SLC25A13: variants seen among roughly 807,000 people sequenced by gnomAD.
SLC25A13 encodes the protein solute carrier family 25 member 13.
A neutral mutation model predicts 85.5 loss-of-function variants in SLC25A13; 70 were observed. That is an observed-to-expected ratio of 0.82 (90% CI 0.68 to 1.00). SLC25A13 has a LOEUF of 1.00. Ranked by LOEUF, SLC25A13 falls within the 50% of genes least tolerant of loss-of-function variation. The pLI is 0.00. For synonymous variants in SLC25A13, 259 were observed against 288.7 expected, an observed-to-expected ratio of 0.90 and a Z score of 1.04; for missense variants, 765 against 819.8, an observed-to-expected ratio of 0.93 and a Z score of 0.82.
chr7:96,126,419 C>G (rs1048257849), intron 15 of SLC25A13, among the ~76,000 whole-genome samples: 1 of 152,184 alleles, frequency 6.6e-6, no homozygotes, highest in Non-Finnish European at 1.5e-5. Flanking sequence ...GGGAAGTGGT[C>G]TCTTTCTTTA....
chr7:96,282,216 C>T (rs899129172), intron 2 of SLC25A13, among the ~76,000 whole-genome samples: 1 of 152,100 alleles, frequency 6.6e-6, no homozygotes, highest in African/African-American at 2.4e-5. Context: ...GAAATACCAC[C>T]ATACTCAGTG....
Position 96,121,048 on chromosome 7 carries a change from T to A in SLC25A13, c.*143A>T, listed in dbSNP as rs1326905079. 6 of 893,422 alleles carry A rather than the reference T, an allele frequency of 6.7e-6. No individual in the cohort carries two copies. The highest frequency in any genetic ancestry group is 1.1e-5 in the Non-Finnish European group (6 of 552,940). The allele number at this position is 893,422 out of a possible 1,614,324, so 55.3% of individuals were successfully genotyped here. A position where few individuals can be genotyped will look rare whatever the true frequency, so the allele number is the denominator to read the frequency against. On this transcript the variant is annotated 3_prime_UTR_variant, in exon 18 of 18. Transcript: ENST00000265631. ...GTTAAGAAAACACCCAGAAAATGAA[T>A]GATTTCACATGATAAAAAAGCCTGG...
At chr7:96,130,050 A>C (rs1471996960) in intron 15 of SLC25A13, among the ~76,000 whole-genome samples, 4 of 152,224 alleles carry the variant, frequency 2.6e-5, no homozygotes, top group Non-Finnish European at 5.9e-5. Flanking sequence ...AATATTTTAT[A>C]ATGAGTAATA....
At chr7:96,204,374 T>TA (rs1795378978) in intron 5 of SLC25A13, among the ~76,000 whole-genome samples, 1 of 151,974 alleles carries the variant, frequency 6.6e-6, no homozygotes, top group Admixed American at 6.6e-5. Flanking sequence ...AGTCACCCAA[T>TA]AAAAAAATTG....
chr7:96,219,022 C>G (rs1431145534), intron 4 of SLC25A13, among the ~76,000 whole-genome samples: 1 of 152,138 alleles, frequency 6.6e-6, no homozygotes, highest in Non-Finnish European at 1.5e-5. Context: ...TGGATGCAGA[C>G]CTATCTCTAC....
chr7:96,261,725 G>A (rs1167939635), intron 3 of SLC25A13, among the ~76,000 whole-genome samples: 2 of 152,152 alleles, frequency 1.3e-5, no homozygotes, highest in African/African-American at 4.8e-5. Flanking sequence ...TCCATTTTAT[G>A]CTTCTAGAAC....
intron 13 of SLC25A13, among the ~76,000 whole-genome samples, chr7:96,155,274 C>A (rs1793216728): frequency 6.6e-6 from 1 of 152,106 alleles, no homozygotes. Flanking sequence ...TCTCTCTTAC[C>A]AGTTGTGTAA....
intron 5 of SLC25A13, among the ~76,000 whole-genome samples, chr7:96,200,025 C>T (rs940790162): frequency 6.6e-6 from 1 of 151,902 alleles, no homozygotes; most frequent in East Asian, 1.9e-4. Context: ...ACCCAAAAAA[C>T]CCAGTCCCTC....
intron 1 of SLC25A13, among the ~76,000 whole-genome samples, chr7:96,297,754 G>C (rs1035208733): frequency 6.6e-6 from 1 of 152,192 alleles, no homozygotes; most frequent in African/African-American, 2.4e-5. Flanking sequence ...GCATGCCAAA[G>C]AACCTCTCCT....
intron 4 of SLC25A13, among the ~76,000 whole-genome samples, chr7:96,212,172 G>A (rs1248473011): frequency 6.6e-6 from 1 of 152,136 alleles, no homozygotes; most frequent in Admixed American, 6.5e-5. Flanking sequence ...CCATGTGACT[G>A]GTGCCTCCTG....
chr7:96,199,850 C>T (rs150347928), intron 5 of SLC25A13, among the ~76,000 whole-genome samples: 3 of 152,168 alleles, frequency 2.0e-5, no homozygotes, highest in African/African-American at 4.8e-5. Context: ...GTCTAACATT[C>T]GTGCTTCTAA....
intron 3 of SLC25A13, among the ~76,000 whole-genome samples, chr7:96,255,855 C>A (rs529131863): frequency 6.6e-6 from 1 of 152,080 alleles, no homozygotes; most frequent in Non-Finnish European, 1.5e-5. Flanking sequence ...AAGGGAAGCC[C>A]ATCAGACTAA....
intron 1 of SLC25A13, among the ~76,000 whole-genome samples, chr7:96,316,956 A>T (rs140069977): frequency 6.6e-6 from 1 of 152,090 alleles, no homozygotes; most frequent in South Asian, 2.1e-4. Context: ...TTTCCTAATT[A>T]TCCGATCTTT....
intron 7 of SLC25A13, 52 bp from the exon 8 acceptor site, chr7:96,189,726 A>C: frequency 1.4e-6 from 2 of 1,442,664 alleles, no homozygotes; most frequent in Non-Finnish European, 2.0e-6. Flanking sequence ...ATAGCCACTA[A>C]ATTCAGCATT....
chr7:96,210,913 GTT>G (rs67843496), intron 4 of SLC25A13, among the ~76,000 whole-genome samples: 51,343 of 151,830 alleles, frequency 0.34, 9,121 homozygotes, highest in East Asian at 0.59. Context: ...GTGAAATAAA[GTT>G]TTAACGTAAT....
intron 3 of SLC25A13, among the ~76,000 whole-genome samples, chr7:96,262,364 C>A (rs1437509428): frequency 1.3e-5 from 2 of 152,162 alleles, no homozygotes; most frequent in Non-Finnish European, 2.9e-5. Context: ...CACTAAGCAG[C>A]ATCATATGCT....
At position 96,209,263 on chromosome 7, in the gene SLC25A13, A is replaced by G. The variant is rs182508306; in HGVS notation, c.329-286T>C. Among the ~76,000 whole-genome samples, 41 of 151,710 alleles carry G rather than the reference A, an allele frequency of 2.7e-4. No homozygotes were observed. In the East Asian group the frequency reaches 7.6e-3, roughly 28 times the overall value. ...GAAACCCAAGTAGAAAGCTAAAACT[A>G]TTATCATCTCATTTGTTTTTGTTTC... On this transcript the variant is annotated intron_variant, in intron 4 of 17. Coordinates refer to ENST00000265631, the MANE Select transcript of SLC25A13 (RefSeq NM_014251.3).
intron 4 of SLC25A13, among the ~76,000 whole-genome samples, chr7:96,222,199 A>G (rs528356963): frequency 6.6e-6 from 1 of 152,300 alleles, no homozygotes; most frequent in Admixed American, 6.5e-5. Flanking sequence ...TAAACTTACA[A>G]TATATTTCAA....
intron 5 of SLC25A13, among the ~76,000 whole-genome samples, chr7:96,194,101 A>C (rs927611861): frequency 6.6e-6 from 1 of 152,062 alleles, no homozygotes; most frequent in Non-Finnish European, 1.5e-5. Flanking sequence ...TCATTTCCCA[A>C]ACAGGGCCCT....
Sources: gnomAD v4.1 joint callset for allele counts (sites outside exome capture counted in the v4.1 genomes callset) on GRCh38, gnomAD v4.1.1 for gene constraint, MANE v1.5 for transcripts, NCBI Gene and HGNC (gene_info 2026-07-23, HGNC 2026-07-21) for gene names.